The following SIL1 variants were observed in gnomAD, a reference collection of about 807,000 sequenced individuals.
The protein encoded by SIL1 is SIL1 nucleotide exchange factor, also known as nucleotide exchange factor SIL1.
In SIL1, 40 loss-of-function variants were observed where a neutral mutation model predicts 49.1. The ratio of observed to expected loss-of-function variants is 0.81; its 90% CI spans 0.63 to 1.06. The LOEUF is 1.06. Ranked by LOEUF, SIL1 falls within the 50% of genes least tolerant of loss-of-function variation. SIL1 has a pLI of 0.00. For synonymous variants in SIL1, 253 were observed against 250.8 expected (o/e 1.01, Z -0.08); for missense variants, 500 against 572.6 (o/e 0.87, Z 1.29).
chr5:139,149,820 C>G (rs1191464612), intron 1 of SIL1, among the ~76,000 whole-genome samples: 3 of 152,140 alleles, frequency 2.0e-5, no homozygotes, highest in Non-Finnish European at 2.9e-5. Context: ...ACAATATATG[C>G]TGGAGCAAAG....
chr5:139,023,400 GGAAAGA>G lies in SIL1; in HGVS notation c.646-2114_646-2109del, dbSNP rs1355473408. ...AACTATGCCAACACCCTGGAGGAAA[GGAAAGA>G]AGCAGGGCACTGATAAGACAATGAG... On this transcript the variant is annotated intron_variant, in intron 6 of 9. Coordinates refer to ENST00000394817, the MANE Select transcript of SIL1 (RefSeq NM_022464.5). Among the ~76,000 whole-genome samples, 1,057 of 152,224 alleles carry G rather than the reference GGAAAGA, an allele frequency of 6.9e-3. 12 individuals carry two copies. Among genetic ancestry groups the G allele is most frequent in the African/African-American group, 0.02 (814 of 41,548 alleles).
chr5:139,026,585 C>T (rs545739556), intron 6 of SIL1, among the ~76,000 whole-genome samples: 3 of 152,130 alleles, frequency 2.0e-5, no homozygotes, highest in African/African-American at 7.2e-5. Context: ...GCTGGGTGAC[C>T]GAGTGAGACT....
chr5:138,967,128 CCTGCTGTT>C (rs1249515105), intron 7 of SIL1, among the ~76,000 whole-genome samples: 3 of 152,106 alleles, frequency 2.0e-5, no homozygotes, highest in Non-Finnish European at 4.4e-5. Flanking sequence ...ATCCTGGTAC[CCTGCTGTT>C]CTTTCCTCCC....
chr5:138,949,812 A>G (rs1304722574), intron 9 of SIL1, among the ~76,000 whole-genome samples: 2 of 151,300 alleles, frequency 1.3e-5, no homozygotes, highest in South Asian at 2.1e-4. Context: ...AAAAAAAAAA[A>G]AAAAGAAAAA....
chr5:139,064,908 T>C (rs1769670508), intron 3 of SIL1, among the ~76,000 whole-genome samples: 3 of 152,162 alleles, frequency 2.0e-5, no homozygotes, highest in Non-Finnish European at 4.4e-5. Flanking sequence ...AGATCATGCA[T>C]AGGAGATGCT....
intron 5 of SIL1, 147 bp from the exon 6 acceptor site, chr5:139,027,139 T>C: frequency 1.3e-6 from 1 of 761,520 alleles, no homozygotes; most frequent in South Asian, 1.6e-5. Flanking sequence ...ATACTAATAC[T>C]TTCTAAGATG....
chr5:139,042,724 C>A lies in SIL1; in HGVS notation c.354-5G>T. 1 of 1,613,560 alleles carries A rather than the reference C, an allele frequency of 6.2e-7. No homozygotes were observed. Among genetic ancestry groups the A allele is most frequent in the Non-Finnish European group, 8.5e-7 (1 of 1,179,650 alleles). Reference sequence around the variant, plus strand: ...GTGTTGGTGTTGATATCCAGCCTGTCCAAAGAAAACTGAGAGTAAAGAGGG... The same window carrying A: ...GTGTTGGTGTTGATATCCAGCCTGTACAAAGAAAACTGAGAGTAAAGAGGG... On this transcript the variant is annotated splice_polypyrimidine_tract_variant and splice_region_variant and intron_variant, in intron 4 of 9. Coordinates refer to ENST00000394817, the MANE Select transcript of SIL1 (RefSeq NM_022464.5).
intron 1 of SIL1, among the ~76,000 whole-genome samples, chr5:139,171,832 A>G (rs577289971): frequency 2.1e-4 from 32 of 152,198 alleles, no homozygotes; most frequent in African/African-American, 7.2e-4. Context: ...AAAGTTGCTT[A>G]AAGAACTAAA....
At chr5:139,022,590 A>C (rs560156489) in intron 6 of SIL1, 1 of 152,330 alleles carries the variant, frequency 6.6e-6, no homozygotes, top group East Asian at 1.9e-4. Flanking sequence ...TCCTGAAATA[A>C]AGCTCCAGTG....
chr5:138,990,339 T>G (rs930525179), intron 7 of SIL1, among the ~76,000 whole-genome samples: 1 of 152,174 alleles, frequency 6.6e-6, no homozygotes, highest in Non-Finnish European at 1.5e-5. Context: ...CAGCCTTTAG[T>G]CTCAACTCCT....
chr5:139,163,889 C>T (rs936332010), intron 1 of SIL1, among the ~76,000 whole-genome samples: 11 of 151,914 alleles, frequency 7.2e-5, no homozygotes, highest in Non-Finnish European at 1.5e-4. Context: ...GGAGGCTGGG[C>T]GGGCAGATCA....
At chr5:139,154,103 AT>A (rs1210403288) in intron 1 of SIL1, among the ~76,000 whole-genome samples, 1 of 152,212 alleles carries the variant, frequency 6.6e-6, no homozygotes, top group Non-Finnish European at 1.5e-5. Context: ...CCAAACTAGT[AT>A]TTCTCCATCT....
At chr5:139,070,882 T>C (rs1336535154) in intron 3 of SIL1, among the ~76,000 whole-genome samples, 1 of 152,080 alleles carries the variant, frequency 6.6e-6, no homozygotes, top group South Asian at 2.1e-4. Context: ...ATAATATATA[T>C]GGGGAAATAC....
intron 7 of SIL1, among the ~76,000 whole-genome samples, chr5:139,020,770 C>T (rs1768504348): frequency 6.6e-6 from 1 of 152,222 alleles, no homozygotes; most frequent in Non-Finnish European, 1.5e-5. Flanking sequence ...TAGGGCAAGA[C>T]ACATTCCTCC....
At chr5:139,101,353 C>T (rs1770583697) in intron 3 of SIL1, among the ~76,000 whole-genome samples, 1 of 152,174 alleles carries the variant, frequency 6.6e-6, no homozygotes, top group African/African-American at 2.4e-5. Flanking sequence ...AATTAATCTC[C>T]TATCTTTTCT....
At chr5:139,110,856 G>A (rs1770825060) in intron 3 of SIL1, among the ~76,000 whole-genome samples, 1 of 152,214 alleles carries the variant, frequency 6.6e-6, no homozygotes, top group Non-Finnish European at 1.5e-5. Flanking sequence ...CAGAAACCTG[G>A]CTTCACAAAG....
chr5:139,133,888 T>TA (rs1473957309), intron 1 of SIL1, among the ~76,000 whole-genome samples: 1 of 152,226 alleles, frequency 6.6e-6, no homozygotes, highest in African/African-American at 2.4e-5. Context: ...CTGGGTAGTA[T>TA]AACACATGGA....
intron 2 of SIL1, among the ~76,000 whole-genome samples, chr5:139,123,557 GTACCCAGAGCC>G (rs1171789610): frequency 6.6e-6 from 1 of 152,192 alleles, no homozygotes; most frequent in Non-Finnish European, 1.5e-5. Context: ...TGTCTGCTAA[GTACCCAGAGCC>G]TACATACACT....
At position 139,166,049 on chromosome 5, in the gene SIL1, G is replaced by A. The variant is rs139882652; in HGVS notation, c.-11+32220C>T. ...TGTACCCCGAACACCTTGGGCACAT[G>A]TTCTCAGGACCTCCTGAGGGCTATG... On this transcript the variant is annotated intron_variant, in intron 1 of 9. Transcript: ENST00000394817. Among the ~76,000 whole-genome samples, 4 of 152,256 alleles carry A rather than the reference G, an allele frequency of 2.6e-5. No homozygotes were observed. The East Asian group carries it at 5.8e-4, about 22-fold the overall frequency.
Sources: allele counts gnomAD v4.1 joint callset (sites outside exome capture counted in the v4.1 genomes callset), GRCh38; gene constraint gnomAD v4.1.1; transcripts MANE v1.5; gene names NCBI Gene and HGNC (gene_info 2026-07-23, HGNC 2026-07-21).